GLI3: variants seen among roughly 807,000 people sequenced by gnomAD.
The protein encoded by GLI3 is GLI family zinc finger 3, also known as transcription activator GLI3.
In GLI3, 20 loss-of-function variants were observed where a neutral mutation model predicts 100.8. That is an observed-to-expected ratio of 0.20 (90% confidence interval 0.14 to 0.29). GLI3 has a LOEUF of 0.29. GLI3 is among the 10% of genes least tolerant of loss of function. GLI3 has a pLI of 1.00. For missense variants in GLI3, 2,040 were observed against 2,128.5 expected (o/e 0.96, Z 0.82); for synonymous variants, 938 against 860.5 (o/e 1.09, Z -1.58).
At chr7:42,180,009 T>A (rs889613461) in intron 2 of GLI3, among the ~76,000 whole-genome samples, 1 of 152,060 alleles carries the variant, frequency 6.6e-6, no homozygotes, top group Non-Finnish European at 1.5e-5. Context: ...AGCAAATCAG[T>A]GGTATTTCAA....
At position 42,035,491 on chromosome 7, in the gene GLI3, A is replaced by T. The variant is rs557934053; in HGVS notation, c.1028+4547T>A. Among the ~76,000 whole-genome samples the T allele has an allele frequency of 2.6e-5, 4 of 152,296 alleles. No homozygotes were observed. In the East Asian group the frequency reaches 7.7e-4, roughly 29 times the overall value. ...TGACGCTGGAGATCTTGGCACTCAG[A>T]GGGGTGATGTGCAAAATGGGAATGT... On this transcript the variant is annotated intron_variant, in intron 7 of 14. Transcript: ENST00000395925.
chr7:42,141,653 C>T (rs60249742), intron 3 of GLI3, among the ~76,000 whole-genome samples: 8,387 of 152,054 alleles, frequency 0.055, 438 homozygotes, highest in African/African-American at 0.15. Flanking sequence ...GCCTGGGTGA[C>T]AAAGCAAGAC....
chr7:42,165,823 T>C (rs1488086287), intron 2 of GLI3, among the ~76,000 whole-genome samples: 1 of 152,192 alleles, frequency 6.6e-6, no homozygotes, highest in Admixed American at 6.5e-5. Flanking sequence ...AATCTAGTCT[T>C]GCAAACAAAG....
At chr7:41,997,525 T>C (rs1433690352) in intron 10 of GLI3, among the ~76,000 whole-genome samples, 1 of 152,182 alleles carries the variant, frequency 6.6e-6, no homozygotes, top group Admixed American at 6.5e-5. Flanking sequence ...TATGATTAGA[T>C]GAGCAAAAGA....
Position 42,025,765 on chromosome 7 carries a change from T to C in GLI3, c.1243-388A>G, listed in dbSNP as rs1236775552. On this transcript the variant is annotated intron_variant, in intron 8 of 14. Coordinates refer to ENST00000395925, the MANE Select transcript of GLI3 (RefSeq NM_000168.6). ...AGCAACCAGATTCTTCTCCAAACAA[T>C]ATCAAAGTGGCAACAGTTAACGCAG... Among the ~76,000 whole-genome samples, 4 of 152,190 alleles carry C rather than the reference T, an allele frequency of 2.6e-5. No homozygotes were observed. The East Asian group carries it at 7.7e-4, about 29-fold the overall frequency.
Position 41,966,549 on chromosome 7 carries a change from T to C in GLI3, c.2524A>G (p.Asn842Asp). 1 of 1,613,992 alleles carries C rather than the reference T, an allele frequency of 6.2e-7. No individual in the cohort carries two copies. Among genetic ancestry groups the C allele is most frequent in the Non-Finnish European group, 8.5e-7 (1 of 1,180,018 alleles). ...DLSGVDVTML[N>D]MLNRRDSSAS... ...CTGCTGTCCCTTCTGTTGAGCATGT[T>C]CAGCATAGTGACGTCCACCCCAGAG... The change falls in exon 15 of 15, where the codon AAC (asparagine) becomes GAC (aspartate). Residue 842 changes from asparagine to aspartate, a missense_variant. Transcript: ENST00000395925. This position sits in a 1 kb window ranked among gnomAD's most constrained non-coding sequence, Gnocchi z 5.8.
chr7:42,147,268 T>C (rs1287693167), intron 3 of GLI3, among the ~76,000 whole-genome samples: 1 of 152,194 alleles, frequency 6.6e-6, no homozygotes, highest in Non-Finnish European at 1.5e-5. Context: ...AAACATGCAC[T>C]AATCAGCTGT....
At chr7:42,105,863 A>G (rs1165387716) in intron 3 of GLI3, among the ~76,000 whole-genome samples, 2 of 152,150 alleles carry the variant, frequency 1.3e-5, no homozygotes, top group African/African-American at 4.8e-5. Context: ...CTGCAGTCAC[A>G]TAAGACTGAT....
chr7:42,146,107 G>A (rs1786699693), intron 3 of GLI3, among the ~76,000 whole-genome samples: 1 of 152,132 alleles, frequency 6.6e-6, no homozygotes, highest in Non-Finnish European at 1.5e-5. Context: ...GGGATGGTAG[G>A]TCAAAATTGT....
intron 7 of GLI3, among the ~76,000 whole-genome samples, chr7:42,036,792 C>A (rs1473839467): frequency 1.3e-5 from 2 of 152,132 alleles, no homozygotes; most frequent in Non-Finnish European, 1.5e-5. Context: ...CTGATGCCCA[C>A]CAGGCACGGA....
rs746870989 is a variant in GLI3 at position 42,040,219 on chromosome 7, T to A, written c.847A>T (p.Arg283Trp). Reference protein sequence around the residue: ...AMDSTRFSSPRLSARPSRKRT... With the variant: ...AMDSTRFSSPWLSARPSRKRT... ...TTTCGGCTCGGCCTGGCTGACAGCC[T>A]GGGGCTGGAGAATCTGGTGCCTGTT... The change falls in exon 7 of 15, where the codon AGG (arginine) becomes TGG (tryptophan). Residue 283 changes from arginine to tryptophan, a missense_variant. Around this residue, in one of 5 missense-constraint regions of GLI3, gnomAD observed 603 missense variants for 690.9 expected, o/e 0.87. Coordinates refer to ENST00000395925, the MANE Select transcript of GLI3 (RefSeq NM_000168.6). The A allele has an allele frequency of 4.3e-6, 7 of 1,612,522 alleles. No homozygotes were observed. Among genetic ancestry groups the A allele is most frequent in the Middle Eastern group, 3.3e-4 (2 of 6,078 alleles).
intron 4 of GLI3, among the ~76,000 whole-genome samples, chr7:42,052,646 C>A (rs575929342): frequency 5.8e-4 from 89 of 152,158 alleles, no homozygotes; most frequent in Admixed American, 1.3e-3. Context: ...GTAGAACCAG[C>A]CAACAACACT....
At chr7:42,029,757 C>G (rs555546231) in intron 7 of GLI3, among the ~76,000 whole-genome samples, 1 of 152,224 alleles carries the variant, frequency 6.6e-6, no homozygotes, top group East Asian at 1.9e-4. Context: ...TCAGAGGGGC[C>G]TTCTTAGACT....
intron 2 of GLI3, among the ~76,000 whole-genome samples, chr7:42,199,594 A>T (rs1787996410): frequency 6.6e-6 from 1 of 152,156 alleles, no homozygotes; most frequent in Non-Finnish European, 1.5e-5. Context: ...AAGACTGTAT[A>T]TATGTGCGTG....
chr7:42,120,852 C>A (rs1190680019), intron 3 of GLI3, among the ~76,000 whole-genome samples: 4 of 152,192 alleles, frequency 2.6e-5, no homozygotes, highest in Admixed American at 2.6e-4. Context: ...CAACAATTAT[C>A]ATTTTCTCCC....
chr7:42,148,389 G>T lies in GLI3; in HGVS notation c.204C>A (p.Leu68=), dbSNP rs779596577. 4 of 1,614,030 alleles carry T rather than the reference G, an allele frequency of 2.5e-6. No individual in the cohort carries two copies. Among genetic ancestry groups the T allele is most frequent in the Non-Finnish European group, 3.4e-6 (4 of 1,179,998 alleles). ...TTGAAGGTTCCTCACTGACTTTGCT[G>T]AGCCCCTGGACATTCTGTGGCTGCA... ...ITMQPQNVQG[L]SKVSEEPSTS... is the part of the protein sequence containing the mutation. Residue 68 remains leucine (L), a synonymous_variant, in exon 3 of 15, where the codon CTC becomes CTA. Transcript: ENST00000395925.
At position 42,223,289 on chromosome 7, in the gene GLI3, A is replaced by G. The variant is rs1788522914; in HGVS notation, c.-36T>C. 6.2e-7 allele frequency: 1 copy of G among 1,604,622 alleles called. No homozygotes were observed. Among genetic ancestry groups the G allele is most frequent in the African/African-American group, 1.3e-5 (1 of 74,656 alleles). On this transcript the variant is annotated 5_prime_UTR_variant, in exon 2 of 15. Transcript: ENST00000395925. ...CATTACTTCAGCTCTCTTCGACCAAAAATGCCCTAAAGAAAACAACAGAGC... is the reference window on the plus strand; with the variant it reads ...CATTACTTCAGCTCTCTTCGACCAAGAATGCCCTAAAGAAAACAACAGAGC...
chr7:42,012,503 A>G (rs1252746736), intron 10 of GLI3, among the ~76,000 whole-genome samples: 2 of 152,210 alleles, frequency 1.3e-5, no homozygotes, highest in Non-Finnish European at 2.9e-5. Context: ...TTCACAAATC[A>G]GTAGGACCTA....
intron 9 of GLI3, 48 bp downstream of exon 9, chr7:42,025,216 C>T (rs770821954): frequency 2.4e-6 from 3 of 1,246,566 alleles, no homozygotes; most frequent in Admixed American, 1.7e-5. Context: ...CCAAAGACAC[C>T]AGTCTTGGGA....
Sources: allele counts gnomAD v4.1 joint callset (sites outside exome capture counted in the v4.1 genomes callset), GRCh38; gene constraint gnomAD v4.1.1; regional missense constraint gnomAD v4.1.1; non-coding constraint Gnocchi (gnomAD v3.1); transcripts MANE v1.5; gene names NCBI Gene and HGNC (gene_info 2026-07-23, HGNC 2026-07-21).